Variants in DOP1A observed in about 807,000 individuals in gnomAD.
DOP1A encodes DOP1 leucine zipper like protein A.
Under a neutral mutation model 267.6 loss-of-function variants are expected in DOP1A, and 90 were observed. The ratio of observed to expected loss-of-function variants is 0.34; its 90% CI spans 0.28 to 0.40. The LOEUF (loss-of-function observed/expected upper bound fraction) is 0.40. DOP1A is among the 10% of genes least tolerant of loss of function. The pLI, the probability that DOP1A is intolerant of heterozygous loss-of-function variation, is 1.00. For synonymous variants in DOP1A, 932 were observed against 999.1 expected, an observed-to-expected ratio of 0.93 and a Z score of 1.27; for missense variants, 2,437 against 2,900.4, an observed-to-expected ratio of 0.84 and a Z score of 3.67.
rs916360339 is a variant in DOP1A, at chr6:83,168,460, AT to A, written c.*303del. ...TAAACCTGCAAAATATACACTACCC[AT>A]TTTTTTTTTCCATTGGTTTCAGACT... On this transcript the variant is annotated 3_prime_UTR_variant, in exon 39 of 39. Transcript: ENST00000349129. The A allele has an allele frequency of 6.7e-4, 642 of 958,014 alleles. No individual in the cohort carries two copies. The highest frequency in any genetic ancestry group is 2.5e-3 in the Middle Eastern group (5 of 2,008). 59.3% of individuals were successfully genotyped at this position (958,014 alleles called of 1,614,324 possible).
chr6:83,103,429 A>G (rs1772969343), intron 4 of DOP1A, among the ~76,000 whole-genome samples: 2 of 152,254 alleles, frequency 1.3e-5, no homozygotes, highest in South Asian at 2.1e-4. Flanking sequence ...AGAAATCTCC[A>G]CTAAAGAACT....
chr6:83,106,660 A>G (rs1439339589), intron 4 of DOP1A, among the ~76,000 whole-genome samples: 1 of 152,114 alleles, frequency 6.6e-6, no homozygotes, highest in Non-Finnish European at 1.5e-5. Context: ...AAATACAAAA[A>G]TTAGCCTGGT....
chr6:83,151,802 T>C, intron 28 of DOP1A, 81 bp from the exon 29 acceptor site: 1 of 1,463,700 alleles, frequency 6.8e-7, no homozygotes. Flanking sequence ...AAATATCTAT[T>C]ATCAGAAATA....
Position 83,114,499 on chromosome 6 carries a change from A to T in DOP1A, c.780+1078A>T, listed in dbSNP as rs187233414. 1.4e-3 allele frequency among the ~76,000 whole-genome samples: 215 copies of T among 152,332 alleles called. 1 individual carries two copies. The highest frequency in any genetic ancestry group is 5.1e-3 in the African/African-American group (212 of 41,572). Reference sequence around the variant, plus strand: ...AAACAAAGAAGAATATGCCAAAGCAATGTATGTGATCTGAAAGTCTAAATT... The same window carrying T: ...AAACAAAGAAGAATATGCCAAAGCATTGTATGTGATCTGAAAGTCTAAATT... On this transcript the variant is annotated intron_variant, in intron 7 of 38. Transcript: ENST00000349129.
chr6:83,102,632 A>T (rs1252836182), intron 4 of DOP1A, among the ~76,000 whole-genome samples: 3 of 152,176 alleles, frequency 2.0e-5, no homozygotes, highest in Non-Finnish European at 4.4e-5. Context: ...CTGGCCTAAC[A>T]TTGATCCACC....
intron 1 of DOP1A, among the ~76,000 whole-genome samples, chr6:83,094,163 T>C (rs1324432003): frequency 1.3e-5 from 2 of 152,216 alleles, no homozygotes; most frequent in Admixed American, 6.5e-5. Context: ...AATGGAATCA[T>C]ATACTATGTG....
intron 4 of DOP1A, among the ~76,000 whole-genome samples, chr6:83,103,751 T>C (rs1773033234): frequency 6.6e-6 from 1 of 152,212 alleles, no homozygotes; most frequent in Non-Finnish European, 1.5e-5. Flanking sequence ...TTTTAAACTG[T>C]TGATATAATT....
chr6:83,113,238 C>A (rs574299028), intron 6 of DOP1A, 85 bp from the exon 7 acceptor site: 1 of 946,040 alleles, frequency 1.1e-6, no homozygotes, highest in South Asian at 1.6e-5. Flanking sequence ...AGCATACTTT[C>A]GAGAAAATAA....
Position 83,162,898 on chromosome 6 carries a change from ACTT to A in DOP1A, c.7076_7078del (p.Leu2359del), listed in dbSNP as rs771276331. On this transcript the variant is annotated inframe_deletion, in exon 38 of 39. Coordinates refer to ENST00000349129, the MANE Select transcript of DOP1A (RefSeq NM_015018.4). ...AACCTTACGTGGTACGACTAGCAAA[ACTT>A]CTTCGGAAAAGAGCAAAGGTATCGC... 3.1e-6 allele frequency: 5 copies of A among 1,612,750 alleles called. 1 individual carries two copies. Among genetic ancestry groups the A allele is most frequent in the Non-Finnish European group, 2.5e-6 (3 of 1,179,208 alleles).
At chr6:83,142,218 T>G (rs958413622) in intron 24 of DOP1A, among the ~76,000 whole-genome samples, 172 bp downstream of exon 24, 2 of 152,198 alleles carry the variant, frequency 1.3e-5, no homozygotes, top group Non-Finnish European at 2.9e-5. Flanking sequence ...TGATTAAAAT[T>G]TGAGGTCAAG....
At chr6:83,142,095 C>T (rs754745529) in intron 24 of DOP1A, 49 bp downstream of exon 24, 1 of 1,594,040 alleles carries the variant, frequency 6.3e-7, no homozygotes, top group Non-Finnish European at 8.5e-7. Flanking sequence ...TTGGTGAGTA[C>T]ATGCTAATTT....
chr6:83,092,556 TCCC>T (rs66482434), intron 1 of DOP1A, among the ~76,000 whole-genome samples: 4 of 67,886 alleles, frequency 5.9e-5, no homozygotes, highest in Admixed American at 1.7e-4. Context: ...GTAGTGTCCC[TCCC>T]CCCCCCCCCA....
At chr6:83,085,382 A>G (rs1305572351) in intron 1 of DOP1A, among the ~76,000 whole-genome samples, 1 of 152,208 alleles carries the variant, frequency 6.6e-6, no homozygotes, top group Non-Finnish European at 1.5e-5. Flanking sequence ...GGAAAATTTC[A>G]AAGTGTAACA....
chr6:83,137,036 T>C (rs536202142), intron 20 of DOP1A, 137 bp from the exon 21 acceptor site: 1 of 880,566 alleles, frequency 1.1e-6, no homozygotes, highest in African/African-American at 1.7e-5. Context: ...TGCAATAAAA[T>C]AAAATGTAAT....
In DOP1A at chr6:83,138,768, A is replaced by G; in HGVS notation, c.4726A>G (p.Ser1576Gly). Reference protein sequence around the residue: ...NFSEDEFDNGSTLQSQLLKVL... With the variant: ...NFSEDEFDNGGTLQSQLLKVL... ...CTCAGAGGATGAATTTGACAATGGC[A>G]GCACGTTGCAGTCACAACTTCTTAA... The change falls in exon 21 of 39, where the codon AGC (serine) becomes GGC (glycine). Residue 1576 changes from serine (S) to glycine (G), a missense_variant. By Grantham distance (56) the Ser-to-Gly change is moderately conservative. This residue lies in a region of DOP1A where 878 missense variants were observed against 992.9 expected (regional missense o/e 0.88). Coordinates refer to ENST00000349129, the MANE Select transcript of DOP1A (RefSeq NM_015018.4). The G allele has an allele frequency of 1.2e-6, 2 of 1,614,106 alleles. No individual in the cohort carries two copies. Among genetic ancestry groups the G allele is most frequent in the Non-Finnish European group, 1.7e-6 (2 of 1,179,954 alleles).
At chr6:83,094,945 T>C (rs560901704) in intron 1 of DOP1A, among the ~76,000 whole-genome samples, 1 of 152,284 alleles carries the variant, frequency 6.6e-6, no homozygotes, top group African/African-American at 2.4e-5. Context: ...TTTTGTTTAT[T>C]TTTTTGAGAT....
At chr6:83,169,322 T>C, downstream of DOP1A, 1 of 1,613,318 alleles carries the variant, frequency 6.2e-7, no homozygotes, top group South Asian at 1.1e-5. Flanking sequence ...ATCTGCACTT[T>C]CCTGCAAATT....
At chr6:83,127,541 G>A (rs912735688) in intron 15 of DOP1A, among the ~76,000 whole-genome samples, 1 of 152,174 alleles carries the variant, frequency 6.6e-6, no homozygotes, top group African/African-American at 2.4e-5. Context: ...AGGCCCTGAA[G>A]GGGAAAAGGC....
chr6:83,134,582 C>T (rs990346637), intron 19 of DOP1A: 4 of 235,130 alleles, frequency 1.7e-5, no homozygotes, highest in African/African-American at 4.5e-5. Flanking sequence ...TCTCTTGAGA[C>T]TATATTCACA....
Sources: allele counts gnomAD v4.1 joint callset (sites outside exome capture counted in the v4.1 genomes callset), GRCh38; gene constraint gnomAD v4.1.1; regional missense constraint gnomAD v4.1.1; transcripts MANE v1.5; gene names NCBI Gene and HGNC (gene_info 2026-07-23, HGNC 2026-07-21).